The following SLC35F3 variants were observed in gnomAD, a reference collection of about 807,000 sequenced individuals.
SLC35F3 encodes solute carrier family 35 member F3, also known as putative thiamine transporter SLC35F3.
Under a neutral mutation model 49.9 loss-of-function variants are expected in SLC35F3, and 25 were observed. The ratio of observed to expected loss-of-function variants is 0.50; its 90% confidence interval spans 0.37 to 0.70. The LOEUF is 0.70. Ranked by LOEUF, SLC35F3 falls within the 30% of genes least tolerant of loss-of-function variation. The pLI is 0.00. For synonymous variants in SLC35F3, 275 were observed against 265.4 expected (o/e 1.04, Z -0.35); for missense variants, 525 against 639.8 (o/e 0.82, Z 1.94).
At chr1:234,117,126 TG>T (rs1488391969) in intron 2 of SLC35F3, among the ~76,000 whole-genome samples, 2 of 152,210 alleles carry the variant, frequency 1.3e-5, no homozygotes, top group Non-Finnish European at 2.9e-5. Flanking sequence ...AGAGCATCTA[TG>T]TAACCCAAGC....
chr1:233,945,763 G>A (rs180902462), intron 2 of SLC35F3, among the ~76,000 whole-genome samples: 140 of 152,286 alleles, frequency 9.2e-4, no homozygotes, highest in Admixed American at 9.2e-3. Flanking sequence ...CCCCTGCACA[G>A]GCTCTCTGGC....
At chr1:233,967,733 A>C (rs1262355866) in intron 2 of SLC35F3, among the ~76,000 whole-genome samples, 1 of 152,222 alleles carries the variant, frequency 6.6e-6, no homozygotes, top group Admixed American at 6.5e-5. Context: ...CCCATGTCTA[A>C]ACAAATTTTT....
intron 2 of SLC35F3, among the ~76,000 whole-genome samples, chr1:233,947,297 TC>T (rs1341008273): frequency 6.6e-6 from 1 of 151,522 alleles, no homozygotes; most frequent in Non-Finnish European, 1.5e-5. Context: ...ATGTCCATAC[TC>T]CCACAGGGCA....
chr1:233,970,370 C>T (rs1053498038), intron 2 of SLC35F3, among the ~76,000 whole-genome samples: 5 of 152,214 alleles, frequency 3.3e-5, no homozygotes, highest in Non-Finnish European at 7.3e-5. Context: ...GACCTCGAGT[C>T]TCACCTGTGC....
At chr1:234,205,084 G>A (rs1284882010) in intron 2 of SLC35F3, among the ~76,000 whole-genome samples, 1 of 152,222 alleles carries the variant, frequency 6.6e-6, no homozygotes, top group Non-Finnish European at 1.5e-5. Flanking sequence ...CTCAGTGCTT[G>A]TTGGTGGAAA....
intron 3 of SLC35F3, among the ~76,000 whole-genome samples, chr1:234,251,859 G>C (rs1261754405): frequency 6.6e-6 from 1 of 151,986 alleles, no homozygotes; most frequent in East Asian, 1.9e-4. Context: ...ACATTACTTA[G>C]TAAGTAATAC....
chr1:233,949,722 G>A (rs181971622), intron 2 of SLC35F3, among the ~76,000 whole-genome samples: 1 of 152,286 alleles, frequency 6.6e-6, no homozygotes, highest in Admixed American at 6.5e-5. Context: ...CTAGCAGCCC[G>A]AGTGAGGCTC....
chr1:234,259,470 G>A (rs1667868439), intron 3 of SLC35F3, among the ~76,000 whole-genome samples: 2 of 152,032 alleles, frequency 1.3e-5, no homozygotes, highest in Admixed American at 1.3e-4. Flanking sequence ...CAGCCTGAGG[G>A]GTCCTCCAGT....
intron 2 of SLC35F3, among the ~76,000 whole-genome samples, chr1:233,948,541 C>T (rs1019984517): frequency 2.0e-5 from 3 of 148,800 alleles, no homozygotes; most frequent in South Asian, 2.2e-4. Context: ...TTAGGTAAGG[C>T]GTTTCTTTTT....
At chr1:234,057,480 C>A (rs1664473420) in intron 2 of SLC35F3, among the ~76,000 whole-genome samples, 1 of 152,048 alleles carries the variant, frequency 6.6e-6, no homozygotes, top group Non-Finnish European at 1.5e-5. Context: ...TATAGAAATG[C>A]AATTGATTTT....
At chr1:233,923,030 A>G (rs961976388) in intron 2 of SLC35F3, among the ~76,000 whole-genome samples, 29 of 152,288 alleles carry the variant, frequency 1.9e-4, no homozygotes, top group Admixed American at 1.6e-3. Flanking sequence ...TACCAATACC[A>G]TGCTGTTTTG....
rs1436804804 is a variant in SLC35F3, at chr1:234,318,898, G to A, written c.1102G>A (p.Asp368Asn). 6.2e-7 allele frequency: 1 copy of A among 1,614,128 alleles called. No individual in the cohort carries two copies. Among genetic ancestry groups the A allele is most frequent in the Admixed American group, 1.7e-5 (1 of 60,030 alleles). Reference protein sequence around the residue: ...TKVEYWSSFDDIPWGNLCGFS... With the variant: ...TKVEYWSSFDNIPWGNLCGFS... ...AGTGGAATACTGGAGCTCTTTTGAT[G>A]ACATTCCATGGGGAAACCTTTGTGG... Residue 368 changes from aspartate (D) to asparagine (N), a missense_variant, in exon 6 of 8, where the codon GAC becomes AAC. Coordinates refer to ENST00000366618, the MANE Select transcript of SLC35F3 (RefSeq NM_173508.4).
chr1:233,962,234 A>G (rs1179595678), intron 2 of SLC35F3, among the ~76,000 whole-genome samples: 2 of 152,232 alleles, frequency 1.3e-5, no homozygotes, highest in Non-Finnish European at 2.9e-5. Flanking sequence ...ATGTTTGCTT[A>G]ACTTTGACAT....
At chr1:234,185,296 G>A (rs2102925747) in intron 2 of SLC35F3, among the ~76,000 whole-genome samples, 1 of 152,286 alleles carries the variant, frequency 6.6e-6, no homozygotes, top group South Asian at 2.1e-4. Context: ...GGACACCCGA[G>A]ATGTGTCCCA....
intron 2 of SLC35F3, among the ~76,000 whole-genome samples, chr1:234,142,143 C>T (rs1303193746): frequency 6.6e-6 from 1 of 152,162 alleles, no homozygotes; most frequent in Non-Finnish European, 1.5e-5. Context: ...CAACCTAGGA[C>T]ATGGTTCTGA....
intron 2 of SLC35F3, among the ~76,000 whole-genome samples, chr1:234,112,286 C>G (rs1039322556): frequency 6.6e-6 from 1 of 152,002 alleles, no homozygotes; most frequent in African/African-American, 2.4e-5. Flanking sequence ...GGGAGTAGTT[C>G]GAGGCTGCAG....
At chr1:234,209,308 A>G (rs576135421) in intron 2 of SLC35F3, among the ~76,000 whole-genome samples, 1 of 152,072 alleles carries the variant, frequency 6.6e-6, no homozygotes, top group South Asian at 2.1e-4. Flanking sequence ...GGGCTTGGGC[A>G]ATTTTGTAAG....
In SLC35F3 at chr1:234,108,716, GAT is replaced by G. The variant is rs568089441; in HGVS notation, c.284-122693_284-122692del. On this transcript the variant is annotated intron_variant, in intron 2 of 7. Transcript: ENST00000366618. ...TAAAATATATATTATATATATAAAA[GAT>G]ATATATAAATATATATATCTTTTAT... 3.9e-3 allele frequency among the ~76,000 whole-genome samples: 241 copies of G among 61,254 alleles called. 3 individuals are homozygous for G. Among genetic ancestry groups the G allele is most frequent in the African/African-American group, 0.014 (225 of 16,002 alleles). 40.2% of individuals were successfully genotyped at this position (61,254 alleles called of 152,430 possible).
At chr1:233,932,134 C>G (rs372821724) in intron 2 of SLC35F3, among the ~76,000 whole-genome samples, 1 of 151,708 alleles carries the variant, frequency 6.6e-6, no homozygotes, top group Non-Finnish European at 1.5e-5. Flanking sequence ...CATCACACAC[C>G]GGGGCCTGTC....
Sources: gnomAD v4.1 joint callset for allele counts (sites outside exome capture counted in the v4.1 genomes callset) on GRCh38, gnomAD v4.1.1 for gene constraint, MANE v1.5 for transcripts, NCBI Gene and HGNC (gene_info 2026-07-23, HGNC 2026-07-21) for gene names.